Variants in RAB38 observed in about 807,000 individuals in gnomAD.
The protein encoded by RAB38 is RAB38, member RAS oncogene family.
RAB38 carries 15 observed loss-of-function variants against 18.4 expected under a neutral mutation model. The ratio of observed to expected loss-of-function variants is 0.82; its 90% CI spans 0.55 to 1.26. The LOEUF is 1.26. RAB38 is among the 50% of genes most tolerant of loss of function. The pLI is 0.00. For synonymous variants in RAB38, 101 were observed against 104.4 expected (o/e 0.97, Z 0.20); for missense variants, 294 against 267.4 (o/e 1.10, Z -0.69).
the RAB38 span, among the ~76,000 whole-genome samples, chr11:88,036,540 AACTT>A: frequency 2.0e-5 from 3 of 151,368 alleles, no homozygotes; most frequent in African/African-American, 7.3e-5. Flanking sequence ...TCACCAATAA[AACTT>A]AATAAAGCTC....
the RAB38 span, among the ~76,000 whole-genome samples, chr11:88,043,281 T>C: frequency 1.3e-5 from 2 of 152,062 alleles, no homozygotes; most frequent in South Asian, 2.1e-4. Flanking sequence ...GTCCACAGGG[T>C]CTAGTAAAGT....
At chr11:87,881,500 G>A in the RAB38 span, among the ~76,000 whole-genome samples, 1 of 151,812 alleles carries the variant, frequency 6.6e-6, no homozygotes, top group Non-Finnish European at 1.5e-5. Flanking sequence ...ACTGCATCAT[G>A]TCACATAGTG....
chr11:87,927,961 T>G, the RAB38 span, among the ~76,000 whole-genome samples: 3 of 151,698 alleles, frequency 2.0e-5, no homozygotes, highest in Admixed American at 2.0e-4. Flanking sequence ...ACCTTTAGTT[T>G]CAGGTACTCG....
the RAB38 span, among the ~76,000 whole-genome samples, chr11:87,825,196 C>T: frequency 6.6e-6 from 1 of 152,086 alleles, no homozygotes; most frequent in Admixed American, 6.6e-5. Flanking sequence ...ATCAGACATG[C>T]ATTATCTCCT....
At chr11:87,834,308 A>G in the RAB38 span, among the ~76,000 whole-genome samples, 1 of 152,190 alleles carries the variant, frequency 6.6e-6, no homozygotes. Flanking sequence ...AAGCCTCCAG[A>G]AGAAAACACA....
At chr11:88,112,493 C>T (rs554102007), downstream of RAB38, among the ~76,000 whole-genome samples, 7 of 152,322 alleles carry the variant, frequency 4.6e-5, no homozygotes, top group East Asian at 1.3e-3. Context: ...ATCTCATCCT[C>T]TATCTCAGGA....
At chr11:87,807,849 T>C in the RAB38 span, among the ~76,000 whole-genome samples, 1 of 152,324 alleles carries the variant, frequency 6.6e-6, no homozygotes, top group African/African-American at 2.4e-5. Context: ...ACCAAACAGC[T>C]GCTCTCACTA....
the RAB38 span, among the ~76,000 whole-genome samples, chr11:87,837,900 T>C: frequency 3.3e-5 from 5 of 152,158 alleles, no homozygotes; most frequent in African/African-American, 4.8e-5. Context: ...TTTGTTGACA[T>C]ATAAGATTCC....
chr11:87,823,474 G>GA, the RAB38 span, among the ~76,000 whole-genome samples: 3 of 151,236 alleles, frequency 2.0e-5, no homozygotes, highest in Non-Finnish European at 3.0e-5. Flanking sequence ...ATTTTTAAAA[G>GA]AAAAAATTTC....
At chr11:87,901,117 G>A in the RAB38 span, among the ~76,000 whole-genome samples, 5 of 151,484 alleles carry the variant, frequency 3.3e-5, no homozygotes, top group Non-Finnish European at 5.9e-5. Context: ...TGGAATCAAT[G>A]GAAGTGATGT....
chr11:88,108,863 C>G (rs772644498), downstream of RAB38, among the ~76,000 whole-genome samples: 10 of 152,172 alleles, frequency 6.6e-5, no homozygotes, highest in Non-Finnish European at 1.2e-4. Flanking sequence ...TTTGCCTTGT[C>G]TCTAAAGGAT....
chr11:88,135,860 G>A (rs1034495319), intron 2 of RAB38, among the ~76,000 whole-genome samples: 1 of 152,106 alleles, frequency 6.6e-6, no homozygotes, highest in Admixed American at 6.5e-5. Flanking sequence ...CTTTCATTTT[G>A]AGAACCCCAG....
the RAB38 span, among the ~76,000 whole-genome samples, chr11:87,811,584 T>G: frequency 6.6e-6 from 1 of 152,272 alleles, no homozygotes; most frequent in South Asian, 2.1e-4. Context: ...ACCCACTTTC[T>G]TTGCTGTAGA....
the RAB38 span, among the ~76,000 whole-genome samples, chr11:87,953,678 G>T: frequency 6.6e-6 from 1 of 152,124 alleles, no homozygotes; most frequent in African/African-American, 2.4e-5. Flanking sequence ...GTCTACATAG[G>T]GTTCAGTACT....
At chr11:87,885,018 G>A in the RAB38 span, among the ~76,000 whole-genome samples, 8 of 151,906 alleles carry the variant, frequency 5.3e-5, no homozygotes, top group African/African-American at 1.9e-4. Context: ...GAGACCCACA[G>A]GTCCCATGTC....
the RAB38 span, among the ~76,000 whole-genome samples, chr11:87,828,687 C>G: frequency 1.3e-5 from 2 of 152,184 alleles, no homozygotes; most frequent in South Asian, 2.1e-4. Context: ...GCTGTACTTT[C>G]TAATCTACCT....
At chr11:87,811,057 T>G in the RAB38 span, among the ~76,000 whole-genome samples, 63 of 152,332 alleles carry the variant, frequency 4.1e-4, 1 homozygote, top group African/African-American at 1.5e-3. Flanking sequence ...ACTCTGATCC[T>G]AAGACTTTGT....
intron 1 of RAB38, among the ~76,000 whole-genome samples, chr11:88,153,019 G>C (rs560619424): frequency 6.5e-4 from 99 of 152,344 alleles, no homozygotes; most frequent in African/African-American, 2.4e-3. Flanking sequence ...GCTATGAAGG[G>C]TGTTAAATAG....
At chr11:88,174,053 G>A in intron 1 of RAB38, 4 of 985,424 alleles carry the variant, frequency 4.1e-6, no homozygotes, top group Non-Finnish European at 4.8e-6. Context: ...TGGTGTCACA[G>A]ACCATGAAAT....
Sources: allele counts gnomAD v4.1 joint callset (sites outside exome capture counted in the v4.1 genomes callset), GRCh38; gene constraint gnomAD v4.1.1; transcripts MANE v1.5; gene names NCBI Gene and HGNC (gene_info 2026-07-23, HGNC 2026-07-21).